The following STXBP5L variants were observed in gnomAD, a reference collection of about 807,000 sequenced individuals.
STXBP5L encodes the protein syntaxin binding protein 5L.
STXBP5L carries 65 observed loss-of-function variants against 144.5 expected under a neutral mutation model. That is an observed-to-expected ratio of 0.45 (90% CI 0.37 to 0.55). STXBP5L has a LOEUF of 0.55. Among genes scored for constraint, STXBP5L ranks in the 20% least tolerant of loss-of-function variants. STXBP5L has a pLI of 0.00. For missense variants in STXBP5L, 1,298 were observed against 1,405.5 expected, an observed-to-expected ratio of 0.92 and a Z score of 1.22; for synonymous variants, 505 against 469.6, an observed-to-expected ratio of 1.08 and a Z score of -0.97.
At chr3:121,229,595 G>A (rs1309142224) in intron 11 of STXBP5L, among the ~76,000 whole-genome samples, 2 of 151,394 alleles carry the variant, frequency 1.3e-5, no homozygotes, top group Non-Finnish European at 2.9e-5. Flanking sequence ...TTGCCCTTTT[G>A]CCCAGGCTAG....
intron 5 of STXBP5L, among the ~76,000 whole-genome samples, chr3:121,080,862 A>G (rs566782582): frequency 6.6e-6 from 1 of 152,200 alleles, no homozygotes; most frequent in East Asian, 1.9e-4. Flanking sequence ...TTTTGTGATG[A>G]ATTTCCCATA....
intron 20 of STXBP5L, among the ~76,000 whole-genome samples, chr3:121,352,947 T>G (rs1347314041): frequency 6.6e-6 from 1 of 152,098 alleles, no homozygotes; most frequent in Non-Finnish European, 1.5e-5. Flanking sequence ...AATCATGTGG[T>G]TTTTGTCATT....
intron 9 of STXBP5L, among the ~76,000 whole-genome samples, chr3:121,171,128 A>G (rs1451581054): frequency 6.6e-6 from 1 of 152,178 alleles, no homozygotes; most frequent in Admixed American, 6.5e-5. Flanking sequence ...AAGGCCTTCG[A>G]TGCAGAAGAG....
At chr3:121,173,445 G>C (rs566405553) in intron 9 of STXBP5L, among the ~76,000 whole-genome samples, 2 of 151,748 alleles carry the variant, frequency 1.3e-5, no homozygotes, top group Non-Finnish European at 2.9e-5. Context: ...AGAGAACTCA[G>C]GTTGTAGGGC....
At chr3:121,168,622 G>T (rs374190129) in intron 9 of STXBP5L, among the ~76,000 whole-genome samples, 6 of 152,100 alleles carry the variant, frequency 3.9e-5, no homozygotes, top group African/African-American at 1.4e-4. Context: ...GAAATAAAGC[G>T]TGAAGACAAG....
At chr3:120,978,423 G>C (rs144416999) in intron 3 of STXBP5L, among the ~76,000 whole-genome samples, 1 of 151,998 alleles carries the variant, frequency 6.6e-6, no homozygotes, top group Non-Finnish European at 1.5e-5. Flanking sequence ...TCTCTGTATT[G>C]GTTATTCTAG....
rs181922825 is a variant in STXBP5L at position 121,092,948 on chromosome 3, C to G, written c.471-21977C>G. Among the ~76,000 whole-genome samples the G allele has an allele frequency of 4.3e-3, 648 of 152,282 alleles. 5 individuals carry two copies. Among genetic ancestry groups the G allele is most frequent in the African/African-American group, 0.015 (618 of 41,550 alleles). On this transcript the variant is annotated intron_variant, in intron 5 of 26. Transcript: ENST00000471454. ...GTTATTGTTTTGAGATATGTCCCAT[C>G]AATACCTAATTTATTGAGAGTTTTT...
At chr3:121,055,500 T>C (rs1948392033) in intron 5 of STXBP5L, among the ~76,000 whole-genome samples, 1 of 152,074 alleles carries the variant, frequency 6.6e-6, no homozygotes, top group African/African-American at 2.4e-5. Flanking sequence ...TTCATTATTA[T>C]TATTACTATT....
At chr3:120,970,656 A>G (rs1422913255) in intron 3 of STXBP5L, among the ~76,000 whole-genome samples, 1 of 151,986 alleles carries the variant, frequency 6.6e-6, no homozygotes, top group African/African-American at 2.4e-5. Flanking sequence ...CTTTGGGTTG[A>G]ATTTGATGGG....
chr3:121,141,128 G>C (rs960069886), intron 7 of STXBP5L, among the ~76,000 whole-genome samples: 10 of 152,188 alleles, frequency 6.6e-5, no homozygotes, highest in African/African-American at 2.4e-4. Flanking sequence ...ACTTAGGCCA[G>C]ACATGGTGGC....
intron 9 of STXBP5L, among the ~76,000 whole-genome samples, chr3:121,193,765 T>G (rs540632622): frequency 4.6e-5 from 7 of 152,042 alleles, no homozygotes; most frequent in African/African-American, 1.7e-4. Flanking sequence ...TAGGTGGGAA[T>G]TGAACAATGA....
chr3:121,041,427 G>A (rs757092440), intron 3 of STXBP5L, among the ~76,000 whole-genome samples: 4 of 152,018 alleles, frequency 2.6e-5, no homozygotes, highest in South Asian at 2.1e-4. Flanking sequence ...ATGAAATGAG[G>A]TGTATCTAGA....
rs561486023 is a variant in STXBP5L, at chr3:121,328,182, A to T, written c.2176+9642A>T. ...CCCAGATAAATTATTTCTGACATGG[A>T]ATACTATAGAATGACAATCTTTTCT... On this transcript the variant is annotated intron_variant, in intron 20 of 26. Coordinates refer to ENST00000471454, the MANE Select transcript of STXBP5L (RefSeq NM_001308330.2). 7.2e-5 allele frequency among the ~76,000 whole-genome samples: 11 copies of T among 152,316 alleles called. No homozygotes were observed. In the East Asian group the frequency reaches 1.7e-3, roughly 24 times the overall value.
intron 3 of STXBP5L, among the ~76,000 whole-genome samples, chr3:120,966,825 T>C (rs1939640103): frequency 6.6e-6 from 1 of 152,182 alleles, no homozygotes; most frequent in South Asian, 2.1e-4. Context: ...ATCACTGCTC[T>C]CTTCAGAGCT....
At chr3:121,193,986 T>A (rs1417333405) in intron 9 of STXBP5L, among the ~76,000 whole-genome samples, 1 of 147,854 alleles carries the variant, frequency 6.8e-6, no homozygotes, top group Admixed American at 6.9e-5. Context: ...ATAATAATAA[T>A]AATAAAAAGA....
Position 121,318,518 on chromosome 3 carries a change from G to A in STXBP5L, c.2154G>A (p.Glu718=). 1 of 1,563,614 alleles carries A rather than the reference G, an allele frequency of 6.4e-7. No individual in the cohort carries two copies. Residue 718 remains glutamate (E), a synonymous_variant, in exon 20 of 27, where the codon GAG becomes GAA. Transcript: ENST00000471454. ...LNDSPVPLEL[E]RCKSPTSDHV... The stretch of plus-strand genomic sequence containing the variant: ...ACAGTCCAGTTCCCCTAGAACTTGA[G>A]CGCTGCAAGTCTCCTACCTCAGGTA...
chr3:121,387,662 A>G (rs955245030), intron 22 of STXBP5L, among the ~76,000 whole-genome samples: 1 of 152,238 alleles, frequency 6.6e-6, no homozygotes, highest in Admixed American at 6.5e-5. Flanking sequence ...TAAATATGGA[A>G]TCCTTTCCCC....
chr3:120,962,882 C>G (rs754053157), intron 3 of STXBP5L, among the ~76,000 whole-genome samples: 5 of 152,102 alleles, frequency 3.3e-5, no homozygotes, highest in Non-Finnish European at 7.4e-5. Context: ...GCCATTTTCA[C>G]TATATTGATT....
intron 10 of STXBP5L, among the ~76,000 whole-genome samples, chr3:121,210,262 C>T (rs1046087283): frequency 1.1e-4 from 16 of 152,242 alleles, no homozygotes; most frequent in African/African-American, 3.6e-4. Flanking sequence ...ATACCCTTTG[C>T]CCATTTTTTG....
Sources: allele counts gnomAD v4.1 joint callset (sites outside exome capture counted in the v4.1 genomes callset), GRCh38; gene constraint gnomAD v4.1.1; transcripts MANE v1.5; gene names NCBI Gene and HGNC (gene_info 2026-07-23, HGNC 2026-07-21).